NDUFAF2: variants seen among roughly 807,000 people sequenced by gnomAD.
NDUFAF2 encodes the protein NADH:ubiquinone oxidoreductase complex assembly factor 2.
In NDUFAF2, 13 loss-of-function variants were observed where a neutral mutation model predicts 22.8. The ratio of observed to expected loss-of-function variants is 0.57; its 90% CI spans 0.37 to 0.91. The LOEUF (loss-of-function observed/expected upper bound fraction) is 0.91. Among genes scored for constraint, NDUFAF2 ranks in the 40% least tolerant of loss-of-function variants. NDUFAF2 has a pLI of 0.01. For synonymous variants in NDUFAF2, 53 were observed against 64.2 expected, an observed-to-expected ratio of 0.83 and a Z score of 0.84; for missense variants, 162 against 195.2, an observed-to-expected ratio of 0.83 and a Z score of 1.01.
At chr5:60,971,276 TTC>T (rs1750823798) in intron 1 of NDUFAF2, among the ~76,000 whole-genome samples, 2 of 112,104 alleles carry the variant, frequency 1.8e-5, no homozygotes, top group South Asian at 6.8e-4. Context: ...TATATCTTTT[TTC>T]TTTCTTTCTT....
At chr5:61,040,986 A>G (rs969859683) in intron 1 of NDUFAF2, among the ~76,000 whole-genome samples, 1 of 152,220 alleles carries the variant, frequency 6.6e-6, no homozygotes, top group Non-Finnish European at 1.5e-5. Context: ...TCAGTTTGTC[A>G]TAATTTTGCT....
At chr5:60,972,794 CT>C (rs774157042) in intron 1 of NDUFAF2, among the ~76,000 whole-genome samples, 152 of 84,806 alleles carry the variant, frequency 1.8e-3, no homozygotes, top group Non-Finnish European at 1.7e-3. Context: ...TTTTGGTTTT[CT>C]TTTTTTTTTT....
At chr5:61,042,396 C>T (rs1460410943) in intron 1 of NDUFAF2, among the ~76,000 whole-genome samples, 2 of 151,938 alleles carry the variant, frequency 1.3e-5, no homozygotes, top group Non-Finnish European at 2.9e-5. Flanking sequence ...GTAGAATAAA[C>T]TATTTGTGGA....
chr5:61,140,759 T>C (rs981706516), intron 3 of NDUFAF2, among the ~76,000 whole-genome samples: 1 of 152,212 alleles, frequency 6.6e-6, no homozygotes, highest in Admixed American at 6.5e-5. Flanking sequence ...CTGTATACCA[T>C]ATGAACCACT....
At chr5:61,098,887 A>G in intron 2 of NDUFAF2, 105 bp from the exon 3 acceptor site, 1 of 718,002 alleles carries the variant, frequency 1.4e-6, no homozygotes, top group Non-Finnish European at 2.4e-6. Context: ...TATCTCCAGT[A>G]CCTAAAATAA....
intron 1 of NDUFAF2, among the ~76,000 whole-genome samples, chr5:60,976,482 T>C (rs1444743293): frequency 6.6e-6 from 1 of 152,188 alleles, no homozygotes; most frequent in Admixed American, 6.5e-5. Context: ...AGCTGATATT[T>C]TGTCAGTGTT....
intron 3 of NDUFAF2, among the ~76,000 whole-genome samples, chr5:61,130,921 T>G (rs949461818): frequency 6.6e-6 from 1 of 152,156 alleles, no homozygotes; most frequent in Non-Finnish European, 1.5e-5. Context: ...GGTTCAACCT[T>G]CTTTAGGCTG....
At chr5:61,090,281 TAGTC>T (rs1290019179) in intron 2 of NDUFAF2, among the ~76,000 whole-genome samples, 1 of 152,070 alleles carries the variant, frequency 6.6e-6, no homozygotes, top group Middle Eastern at 3.2e-3. Flanking sequence ...ATGGGCCACT[TAGTC>T]AGTTACAATT....
intron 3 of NDUFAF2, among the ~76,000 whole-genome samples, chr5:61,129,338 G>A (rs886848458): frequency 6.6e-6 from 1 of 151,990 alleles, no homozygotes; most frequent in African/African-American, 2.4e-5. Context: ...AAGACACATG[G>A]ACATGTATGT....
rs374346406 is a variant in NDUFAF2 at position 60,945,287 on chromosome 5, T to C, written c.32T>C (p.Leu11Ser). Reference sequence around the variant, plus strand: ...TGGTCTCAGGATTTGTTCCGCGCCTTGTGGAGATCGCTGTCAAGGGAAGTG... The same window carrying C: ...TGGTCTCAGGATTTGTTCCGCGCCTCGTGGAGATCGCTGTCAAGGGAAGTG... MGWSQDLFRALWRSLSREVKE... is the reference protein window; with the variant it reads MGWSQDLFRASWRSLSREVKE... The change falls in exon 1 of 4, where the codon TTG becomes TCG. Residue 11 changes from leucine (L) to serine (S), a missense_variant. Coordinates refer to ENST00000296597, the MANE Select transcript of NDUFAF2 (RefSeq NM_174889.5). 9 of 1,613,692 alleles carry C rather than the reference T, an allele frequency of 5.6e-6. No individual in the cohort carries two copies. Among genetic ancestry groups the C allele is most frequent in the South Asian group, 1.1e-5 (1 of 91,018 alleles).
At chr5:60,990,833 T>G (rs1751148866) in intron 1 of NDUFAF2, among the ~76,000 whole-genome samples, 1 of 152,186 alleles carries the variant, frequency 6.6e-6, no homozygotes, top group Admixed American at 6.5e-5. Flanking sequence ...TGTGTAACTT[T>G]AAGACGCTAT....
chr5:61,092,442 T>A (rs558399057), intron 2 of NDUFAF2, among the ~76,000 whole-genome samples: 2 of 151,918 alleles, frequency 1.3e-5, no homozygotes, highest in Non-Finnish European at 2.9e-5. Flanking sequence ...TCCACTGTAT[T>A]CCTAGGTACT....
At chr5:61,001,125 C>T (rs1351199567) in intron 1 of NDUFAF2, among the ~76,000 whole-genome samples, 3 of 152,022 alleles carry the variant, frequency 2.0e-5, no homozygotes, top group Non-Finnish European at 2.9e-5. Flanking sequence ...GGCAGAAACA[C>T]CCCAGGGAGG....
chr5:61,125,370 T>C (rs776830612), intron 3 of NDUFAF2, among the ~76,000 whole-genome samples: 6 of 152,166 alleles, frequency 3.9e-5, no homozygotes, highest in African/African-American at 1.2e-4. Flanking sequence ...ATTGTGGTTC[T>C]AATAGCATCT....
At chr5:61,147,292 A>T in intron 3 of NDUFAF2, among the ~76,000 whole-genome samples, 1 of 151,744 alleles carries the variant, frequency 6.6e-6, no homozygotes, top group East Asian at 1.9e-4. Context: ...TCTGTTGCCC[A>T]GGCTGGAGTG....
chr5:61,125,401 G>T (rs931761167), intron 3 of NDUFAF2, among the ~76,000 whole-genome samples: 1 of 151,986 alleles, frequency 6.6e-6, no homozygotes, highest in Admixed American at 6.6e-5. Flanking sequence ...ACAGTGGCAG[G>T]CTCTGGAAGG....
intron 3 of NDUFAF2, among the ~76,000 whole-genome samples, chr5:61,118,066 A>C (rs936554353): frequency 2.0e-5 from 3 of 152,146 alleles, no homozygotes; most frequent in African/African-American, 7.2e-5. Flanking sequence ...GTCCTTCCTA[A>C]AAACTATCTA....
chr5:61,151,662 C>T (rs1741241395), intron 3 of NDUFAF2, among the ~76,000 whole-genome samples: 1 of 152,122 alleles, frequency 6.6e-6, no homozygotes, highest in African/African-American at 2.4e-5. Flanking sequence ...CCTGTAATCC[C>T]AGCTACTCGG....
chr5:61,063,518 A>G (rs1487022336), intron 1 of NDUFAF2, among the ~76,000 whole-genome samples: 2 of 152,044 alleles, frequency 1.3e-5, no homozygotes, highest in Admixed American at 1.3e-4. Flanking sequence ...CAAACAAACA[A>G]GTCAAAACCA....
Sources: gnomAD v4.1 joint callset for allele counts (sites outside exome capture counted in the v4.1 genomes callset) on GRCh38, gnomAD v4.1.1 for gene constraint, MANE v1.5 for transcripts, NCBI Gene and HGNC (gene_info 2026-07-23, HGNC 2026-07-21) for gene names.